Variants in KALRN observed in about 807,000 individuals in gnomAD.
The protein encoded by KALRN is kalirin RhoGEF kinase, also known as kalirin.
Under a neutral mutation model 353.7 loss-of-function variants are expected in KALRN, and 70 were observed. That is an observed-to-expected ratio of 0.20 (90% CI 0.16 to 0.24). The LOEUF is 0.24. Among genes scored for constraint, KALRN ranks in the 10% least tolerant of loss-of-function variants. The pLI is 1.00. For missense variants in KALRN, 2,791 were observed against 3,756.7 expected (o/e 0.74, Z 6.72); for synonymous variants, 1,391 against 1,434.8 (o/e 0.97, Z 0.69).
At chr3:124,581,944 T>C (rs4678138) in intron 34 of KALRN, among the ~76,000 whole-genome samples, 37,841 of 151,776 alleles carry the variant, frequency 0.25, 4,879 homozygotes, top group East Asian at 0.33. Flanking sequence ...AGTAATTCAG[T>C]CTGGCAAAAT....
chr3:124,221,599 AG>A (rs1180865944), intron 1 of KALRN, among the ~76,000 whole-genome samples: 1 of 152,196 alleles, frequency 6.6e-6, no homozygotes, highest in Non-Finnish European at 1.5e-5. Flanking sequence ...GAGAGATTTA[AG>A]AGGTAGGATC....
intron 33 of KALRN, among the ~76,000 whole-genome samples, chr3:124,497,325 A>G (rs1006036056): frequency 1.3e-5 from 2 of 152,196 alleles, no homozygotes; most frequent in Non-Finnish European, 2.9e-5. Context: ...ATCCAGACCT[A>G]GTATTTTGGC....
intron 45 of KALRN, among the ~76,000 whole-genome samples, chr3:124,664,414 CTTT>C (rs747877590): frequency 7.3e-6 from 1 of 137,586 alleles, no homozygotes; most frequent in Non-Finnish European, 1.6e-5. Flanking sequence ...CAGAATCAAG[CTTT>C]TTTTTTTTTT....
At chr3:124,278,016 G>A (rs1212819644) in intron 5 of KALRN, among the ~76,000 whole-genome samples, 1 of 151,946 alleles carries the variant, frequency 6.6e-6, no homozygotes, top group East Asian at 1.9e-4. Flanking sequence ...GTGTGTGTGT[G>A]TGTGTGTGTG....
At chr3:124,670,595 G>A (rs918438032) in intron 47 of KALRN, among the ~76,000 whole-genome samples, 5 of 152,178 alleles carry the variant, frequency 3.3e-5, no homozygotes, top group African/African-American at 1.2e-4. Flanking sequence ...GTCCTGTTGA[G>A]GTATGTACCT....
intron 1 of KALRN, among the ~76,000 whole-genome samples, chr3:124,199,260 G>A (rs1294216605): frequency 5.3e-5 from 8 of 152,156 alleles, no homozygotes; most frequent in Non-Finnish European, 1.2e-4. Context: ...CTCCCTGCCA[G>A]GGCTCCAGAG....
At chr3:124,073,920 G>A (rs969543181) in intron 1 of KALRN, among the ~76,000 whole-genome samples, 11 of 152,164 alleles carry the variant, frequency 7.2e-5, no homozygotes, top group African/African-American at 2.4e-4. Context: ...GCCCAGAATG[G>A]TGTAGTAAGT....
Position 124,033,913 on chromosome 3 carries a change from C to T in KALRN, c.73+100C>T, listed in dbSNP as rs2039134271. ...GAAGGAGGGCTGTTGCTGCCGCGTG[C>T]GTGTTGGGGGGCAGTGCCCCCTCGG... is the stretch of plus-strand genomic sequence containing the variant. On this transcript the variant is annotated intron_variant, in intron 1 of 59. Transcript: ENST00000682506. The surrounding 1 kb of genome is among the most constrained non-coding windows in gnomAD (Gnocchi z 6.2). Among the ~76,000 whole-genome samples the T allele has an allele frequency of 6.6e-6, 1 of 152,170 alleles. No individual in the cohort carries two copies. Among genetic ancestry groups the T allele is most frequent in the African/African-American group, 2.4e-5 (1 of 41,452 alleles).
intron 34 of KALRN, among the ~76,000 whole-genome samples, chr3:124,580,757 G>A (rs543450897): frequency 6.6e-6 from 1 of 152,234 alleles, no homozygotes; most frequent in South Asian, 2.1e-4. Context: ...CACTCAGTAA[G>A]TATTTGATGA....
intron 37 of KALRN, among the ~76,000 whole-genome samples, chr3:124,648,585 A>G (rs2083034696): frequency 6.6e-6 from 1 of 152,248 alleles, no homozygotes; most frequent in Admixed American, 6.5e-5. Context: ...GGAACTGTGA[A>G]TGAACTTCAG....
intron 5 of KALRN, among the ~76,000 whole-genome samples, chr3:124,280,289 G>A (rs1436001919): frequency 1.3e-5 from 2 of 152,136 alleles, no homozygotes; most frequent in African/African-American, 2.4e-5. Context: ...TGTAGCCCCA[G>A]TTGTTAGAAA....
intron 33 of KALRN, among the ~76,000 whole-genome samples, chr3:124,543,049 C>T (rs951905019): frequency 6.6e-6 from 1 of 152,124 alleles, no homozygotes; most frequent in East Asian, 1.9e-4. Flanking sequence ...TCTCACCTTG[C>T]GGACCTCTCT....
At chr3:124,467,928 G>A (rs1235128243) in intron 25 of KALRN, among the ~76,000 whole-genome samples, 1 of 151,992 alleles carries the variant, frequency 6.6e-6, no homozygotes, top group African/African-American at 2.4e-5. Context: ...AGGCAATGAC[G>A]GTGGGAGGGT....
intron 1 of KALRN, among the ~76,000 whole-genome samples, chr3:124,109,024 T>C (rs1484090735): frequency 6.6e-6 from 1 of 152,214 alleles, no homozygotes; most frequent in Non-Finnish European, 1.5e-5. Flanking sequence ...CTCCTCCTGC[T>C]TCTCCTTCTC....
intron 47 of KALRN, among the ~76,000 whole-genome samples, chr3:124,667,648 T>C (rs2085814413): frequency 6.6e-6 from 1 of 152,334 alleles, no homozygotes; most frequent in South Asian, 2.1e-4. Flanking sequence ...ATAAGCCACA[T>C]TACTAGCCAA....
chr3:124,360,667 G>A (rs1410607706), intron 10 of KALRN, among the ~76,000 whole-genome samples: 1 of 152,176 alleles, frequency 6.6e-6, no homozygotes, highest in African/African-American at 2.4e-5. Context: ...GATTCTGAAA[G>A]CAAACCATTT....
At chr3:124,171,650 G>A (rs1210423612) in intron 1 of KALRN, among the ~76,000 whole-genome samples, 2 of 152,166 alleles carry the variant, frequency 1.3e-5, no homozygotes, top group Non-Finnish European at 1.5e-5. Context: ...TTGTAAAGGA[G>A]TGGGCACATA....
At chr3:124,067,532 C>A (rs1190176591) in intron 1 of KALRN, among the ~76,000 whole-genome samples, 1 of 152,006 alleles carries the variant, frequency 6.6e-6, no homozygotes, top group Non-Finnish European at 1.5e-5. Flanking sequence ...CAAAAAAAAA[C>A]CACAAGAGAA....
chr3:124,242,631 C>T (rs868268429), intron 3 of KALRN, among the ~76,000 whole-genome samples: 5 of 152,160 alleles, frequency 3.3e-5, no homozygotes, highest in Non-Finnish European at 4.4e-5. Flanking sequence ...TGGGCAGGGA[C>T]CACTACGCTT....
Sources: gnomAD v4.1 joint callset for allele counts (sites outside exome capture counted in the v4.1 genomes callset) on GRCh38, gnomAD v4.1.1 for gene constraint, Gnocchi (gnomAD v3.1) non-coding constraint, MANE v1.5 for transcripts, NCBI Gene and HGNC (gene_info 2026-07-23, HGNC 2026-07-21) for gene names.